The following GUCY1B1 variants were observed in gnomAD, a reference collection of about 807,000 sequenced individuals.
GUCY1B1 encodes the protein guanylate cyclase soluble subunit beta-1.
GUCY1B1 carries 43 observed loss-of-function variants against 71.0 expected under a neutral mutation model. The ratio of observed to expected loss-of-function variants is 0.61; its 90% CI spans 0.47 to 0.78. GUCY1B1 has a LOEUF of 0.78. GUCY1B1 is among the 30% of genes least tolerant of loss of function. GUCY1B1 has a pLI of 0.00. For missense variants in GUCY1B1, 535 were observed against 754.1 expected, an observed-to-expected ratio of 0.71 and a Z score of 3.40; for synonymous variants, 266 against 259.7, an observed-to-expected ratio of 1.02 and a Z score of -0.23.
At position 155,806,446 on chromosome 4, in the gene GUCY1B1, G is replaced by A. The variant is rs1275801653; in HGVS notation, c.*37G>A. 6.5e-7 allele frequency: 1 copy of A among 1,528,592 alleles called. No individual in the cohort carries two copies. Among genetic ancestry groups the A allele is most frequent in the Admixed American group, 1.7e-5 (1 of 59,450 alleles). The allele number at this position is 1,528,592 out of a possible 1,614,324, so 94.7% of individuals were successfully genotyped here. ...TGGGGTGAAGAGGAGTACAGACTAG[G>A]TTCCAGTTTTCTCCTAACACGTGCC... On this transcript the variant is annotated 3_prime_UTR_variant, in exon 14 of 14. Transcript: ENST00000264424.
chr4:155,782,530 C>G (rs1157800450), intron 4 of GUCY1B1, among the ~76,000 whole-genome samples: 1 of 152,202 alleles, frequency 6.6e-6, no homozygotes, highest in Non-Finnish European at 1.5e-5. Flanking sequence ...CCACGCTCAC[C>G]TCTACTCTCT....
chr4:155,759,548 A>C, intron 1 of GUCY1B1: 3 of 486,366 alleles, frequency 6.2e-6, no homozygotes, highest in Non-Finnish European at 1.1e-5. Context: ...ACAGGTGAGG[A>C]GGGTGGGAAG....
intron 4 of GUCY1B1, among the ~76,000 whole-genome samples, chr4:155,781,762 A>G (rs983345175): frequency 6.6e-6 from 1 of 152,000 alleles, no homozygotes; most frequent in Non-Finnish European, 1.5e-5. Flanking sequence ...TTTAGAATTG[A>G]TTTTTTCTTA....
intron 1 of GUCY1B1, chr4:155,759,501 G>A: frequency 2.0e-6 from 1 of 509,720 alleles, no homozygotes; most frequent in Non-Finnish European, 3.4e-6. Context: ...TCGCGTCCCC[G>A]CGCTGCCCCC....
At chr4:155,767,950 A>C (rs1316867148) in intron 2 of GUCY1B1, among the ~76,000 whole-genome samples, 2 of 152,160 alleles carry the variant, frequency 1.3e-5, no homozygotes, top group Non-Finnish European at 2.9e-5. Flanking sequence ...GCTCACTACA[A>C]TGGACCATTC....
intron 7 of GUCY1B1, 99 bp downstream of exon 7, chr4:155,795,556 A>G: frequency 1.6e-6 from 1 of 612,214 alleles, no homozygotes; most frequent in Non-Finnish European, 2.8e-6. Context: ...AAGTATAGAG[A>G]GATAAAACCC....
Position 155,777,509 on chromosome 4 carries a change from G to C in GUCY1B1, c.179-15G>C. The C allele has an allele frequency of 7.4e-7, 1 of 1,356,064 alleles. No homozygotes were observed. The allele number at this position is 1,356,064 out of a possible 1,614,324, so 84.0% of individuals were successfully genotyped here. ...TATTATATGCTTTTTTTCCCCTCTT[G>C]AATTTGTAAAATAGATCTCAATGCT... On this transcript the variant is annotated splice_polypyrimidine_tract_variant and intron_variant, in intron 3 of 13. Coordinates refer to ENST00000264424, the MANE Select transcript of GUCY1B1 (RefSeq NM_000857.5).
At chr4:155,774,495 C>A (rs1459850) in intron 2 of GUCY1B1, among the ~76,000 whole-genome samples, 1 of 151,916 alleles carries the variant, frequency 6.6e-6, no homozygotes, top group South Asian at 2.1e-4. Flanking sequence ...ATAATACTTA[C>A]CATTATATGT....
Position 155,802,302 on chromosome 4 carries a change from G to A in GUCY1B1, c.1176-40G>A, listed in dbSNP as rs1298036763. 6.2e-7 allele frequency: 1 copy of A among 1,612,150 alleles called. No homozygotes were observed. Among genetic ancestry groups the A allele is most frequent in the Admixed American group, 1.7e-5 (1 of 59,820 alleles). On this transcript the variant is annotated intron_variant, in intron 9 of 13. Transcript: ENST00000264424. The surrounding 1 kb of genome is among the most constrained non-coding windows in gnomAD (Gnocchi z 4.3). ...AGCAGAAGCACTAAAGGCTTTCCCA[G>A]TATTTCTTACAGTGGCTTTCTGCTG...
Position 155,776,685 on chromosome 4 carries a change from A to G in GUCY1B1, c.179-839A>G, listed in dbSNP as rs868768880. Reference sequence around the variant, plus strand: ...ACTCTGTCTCAAAAAACTAAAAAAAATGTGATACAGAAAATTTAAGTTTTA... The same window carrying G: ...ACTCTGTCTCAAAAAACTAAAAAAAGTGTGATACAGAAAATTTAAGTTTTA... On this transcript the variant is annotated intron_variant, in intron 3 of 13. Transcript: ENST00000264424. Among the ~76,000 whole-genome samples the G allele has an allele frequency of 8.7e-4, 133 of 152,212 alleles. 1 individual carries two copies. Among genetic ancestry groups the G allele is most frequent in the African/African-American group, 3.0e-3 (125 of 41,496 alleles).
chr4:155,790,403 C>A (rs1739075827), intron 5 of GUCY1B1, among the ~76,000 whole-genome samples: 1 of 152,098 alleles, frequency 6.6e-6, no homozygotes, highest in Non-Finnish European at 1.5e-5. Context: ...AATCAAGTTA[C>A]TTGGTGAAAG....
At chr4:155,773,717 G>A (rs1737842809) in intron 2 of GUCY1B1, among the ~76,000 whole-genome samples, 1 of 152,086 alleles carries the variant, frequency 6.6e-6, no homozygotes, top group Non-Finnish European at 1.5e-5. Context: ...CCAATCCATA[G>A]CAAATCATGC....
At chr4:155,773,984 G>A (rs1222623713) in intron 2 of GUCY1B1, among the ~76,000 whole-genome samples, 4 of 152,156 alleles carry the variant, frequency 2.6e-5, no homozygotes, top group African/African-American at 9.7e-5. Context: ...ACCGCGCCCA[G>A]CCCACCAACA....
At position 155,778,342 on chromosome 4, in the gene GUCY1B1, A is replaced by G. The variant is rs183004538; in HGVS notation, c.297+700A>G. Among the ~76,000 whole-genome samples, 45 of 152,346 alleles carry G rather than the reference A, an allele frequency of 3.0e-4. 1 individual carries two copies. In the Middle Eastern group the frequency reaches 0.014, roughly 46 times the overall value. On this transcript the variant is annotated intron_variant, in intron 4 of 13. Transcript: ENST00000264424. ...TTTCTGGATTGACTATACTATTTTA[A>G]GCATTGACATTTGTGAGACCCTCTT...
intron 2 of GUCY1B1, among the ~76,000 whole-genome samples, chr4:155,771,347 T>G (rs1479102360): frequency 6.6e-6 from 1 of 152,214 alleles, no homozygotes; most frequent in Non-Finnish European, 1.5e-5. Flanking sequence ...AAAGGACCAA[T>G]GCATTGACCC....
chr4:155,782,387 C>T (rs563938791), intron 4 of GUCY1B1, among the ~76,000 whole-genome samples: 1 of 152,338 alleles, frequency 6.6e-6, no homozygotes, highest in East Asian at 1.9e-4. Context: ...GAGCGCCTGG[C>T]TGCTATAGTC....
chr4:155,759,881 G>A (rs762186657), intron 2 of GUCY1B1, 21 bp downstream of exon 2: 1 of 1,594,674 alleles, frequency 6.3e-7, no homozygotes, highest in Non-Finnish European at 8.6e-7. Context: ...GGCTACCCTG[G>A]CTGTGGCCCA....
intron 2 of GUCY1B1, among the ~76,000 whole-genome samples, chr4:155,770,444 G>A (rs751225898): frequency 6.6e-6 from 1 of 152,176 alleles, no homozygotes; most frequent in Non-Finnish European, 1.5e-5. Flanking sequence ...AAAGTTAGAA[G>A]AAAAGTTGTA....
chr4:155,777,901 G>A (rs1161394099), intron 4 of GUCY1B1, among the ~76,000 whole-genome samples: 1 of 152,158 alleles, frequency 6.6e-6, no homozygotes, highest in Non-Finnish European at 1.5e-5. Context: ...AAGAACTCCA[G>A]GTGGTCTTTT....
Sources: gnomAD v4.1 joint callset for allele counts (sites outside exome capture counted in the v4.1 genomes callset) on GRCh38, gnomAD v4.1.1 for gene constraint, Gnocchi (gnomAD v3.1) non-coding constraint, MANE v1.5 for transcripts, NCBI Gene and HGNC (gene_info 2026-07-23, HGNC 2026-07-21) for gene names.